ASPSCR1: variants seen among roughly 807,000 people sequenced by gnomAD.
ASPSCR1 encodes tether containing UBX domain for GLUT4.
A neutral mutation model predicts 68.9 loss-of-function variants in ASPSCR1; 55 were observed. The observed-to-expected ratio is 0.80, with a 90% confidence interval of 0.64 to 1.00. The LOEUF is 1.00. Ranked by LOEUF, ASPSCR1 falls within the 50% of genes least tolerant of loss-of-function variation. The pLI is 0.00. For synonymous variants in ASPSCR1, 352 were observed against 332.6 expected, an observed-to-expected ratio of 1.06 and a Z score of -0.63; for missense variants, 765 against 762.2, an observed-to-expected ratio of 1.00 and a Z score of -0.04.
At chr17:82,009,439 G>A (rs1430372911) in intron 8 of ASPSCR1, 47 bp from the exon 9 acceptor site, 1 of 1,523,012 alleles carries the variant, frequency 6.6e-7, no homozygotes, top group Non-Finnish European at 8.9e-7. Flanking sequence ...TGTTGCCAGG[G>A]CCCCCATTCT....
chr17:82,015,258 C>T (rs913095891), intron 12 of ASPSCR1: 14 of 1,598,282 alleles, frequency 8.8e-6, no homozygotes, highest in African/African-American at 2.7e-5. Flanking sequence ...GCCTCCATGC[C>T]ACCCAGTCTG....
intron 12 of ASPSCR1, 34 bp downstream of exon 12, chr17:82,012,317 GGGGCCCTCCAGGGAGGGCAGGACGA>G: frequency 6.2e-7 from 1 of 1,605,486 alleles, no homozygotes; most frequent in Non-Finnish European, 8.5e-7. Context: ...GCTGCGGGGC[GGGGCCCTCCAGGGAGGGCAGGACGA>G]GAGCGTGAGG....
At chr17:82,003,095 G>T (rs1598418343) in intron 7 of ASPSCR1, among the ~76,000 whole-genome samples, 2 of 152,080 alleles carry the variant, frequency 1.3e-5, no homozygotes, top group East Asian at 3.9e-4. Context: ...TGGTCTGCCG[G>T]CCTTGGCCTC....
rs569812032 is a variant in ASPSCR1 at position 81,983,054 on chromosome 17, G to A, written c.159-500G>A. On this transcript the variant is annotated intron_variant, in intron 2 of 15. Coordinates refer to ENST00000306739, the MANE Select transcript of ASPSCR1 (RefSeq NM_024083.4). The surrounding 1 kb of genome is among the most constrained non-coding windows in gnomAD (Gnocchi z 4.4). ...AGACGGGGTTTCACCATGTTGGTCA[G>A]GCTTGTCTCAAACTCCTGAACCTCA... Among the ~76,000 whole-genome samples, 1 of 152,206 alleles carries A rather than the reference G, an allele frequency of 6.6e-6. No homozygotes were observed. Among genetic ancestry groups the A allele is most frequent in the South Asian group, 2.1e-4 (1 of 4,832 alleles).
At chr17:82,000,453 G>T (rs959313217) in intron 7 of ASPSCR1, among the ~76,000 whole-genome samples, 1 of 152,062 alleles carries the variant, frequency 6.6e-6, no homozygotes, top group African/African-American at 2.4e-5. Flanking sequence ...GCCTCCCATC[G>T]CCGCCAGCCG....
Position 82,016,804 on chromosome 17 carries a change from C to CT in ASPSCR1, c.1411dup (p.Tyr471LeufsTer38). 6.2e-7 allele frequency: 1 copy of CT among 1,609,866 alleles called. No individual in the cohort carries two copies. Among genetic ancestry groups the CT allele is most frequent in the Non-Finnish European group, 8.5e-7 (1 of 1,179,856 alleles). On this transcript the variant is annotated frameshift_variant, in exon 14 of 16. Coordinates refer to ENST00000306739, the MANE Select transcript of ASPSCR1 (RefSeq NM_024083.4). LOFTEE classifies it high-confidence loss of function. ...TGAGCTTGGGCCTCCCTGCAGGTGT[C>CT]TACCTGGAGCCTGGCCTGCTGGAGC... is the stretch of plus-strand genomic sequence containing the variant.
In ASPSCR1 at chr17:82,011,367, G is replaced by C. The variant is rs184307006; in HGVS notation, c.1238-176G>C. ...CCAGCAGGGCGGGGGTCCCAAGTGTGGCCCGCACGGTGGCCCAGCCACGCC... is the reference window on the plus strand; with the variant it reads ...CCAGCAGGGCGGGGGTCCCAAGTGTCGCCCGCACGGTGGCCCAGCCACGCC... On this transcript the variant is annotated intron_variant, in intron 10 of 15. Transcript: ENST00000306739. 7.5e-3 allele frequency among the ~76,000 whole-genome samples: 1,136 copies of C among 152,274 alleles called. 15 individuals carry two copies. Among genetic ancestry groups the C allele is most frequent in the African/African-American group, 0.026 (1,093 of 41,558 alleles).
chr17:81,994,745 T>A, intron 4 of ASPSCR1, 76 bp from the exon 5 acceptor site: 1 of 1,476,918 alleles, frequency 6.8e-7, no homozygotes, highest in Non-Finnish European at 9.4e-7. Context: ...GCTTTCCGAG[T>A]CTCCTGCCCC....
In ASPSCR1 at chr17:82,009,547, A is replaced by G. The variant is rs960255685; in HGVS notation, c.1150A>G (p.Lys384Glu). Residue 384 changes from lysine to glutamate, a missense_variant, in exon 9 of 16, where the codon AAG (lysine) becomes GAG (glutamate). Coordinates refer to ENST00000306739, the MANE Select transcript of ASPSCR1 (RefSeq NM_024083.4). ...CTTCAGGGAGGCGCAGATAAAGGAG[A>G]AGCTGGAGCGCTACCCAAAGGTCTG... is the stretch of plus-strand genomic sequence containing the variant. ...KAFREAQIKE[K>E]LERYPKVALR... The G allele has an allele frequency of 7.3e-7, 1 of 1,378,118 alleles. No individual in the cohort carries two copies. Among genetic ancestry groups the G allele is most frequent in the Non-Finnish European group, 9.5e-7 (1 of 1,052,952 alleles). 85.4% of individuals were successfully genotyped at this position (1,378,118 alleles called of 1,614,324 possible).
intron 2 of ASPSCR1, among the ~76,000 whole-genome samples, chr17:81,980,360 C>T (rs1414953771): frequency 6.6e-6 from 1 of 152,214 alleles, no homozygotes; most frequent in East Asian, 1.9e-4. Context: ...CATTGCCCAC[C>T]CTGCCTTACG....
chr17:82,002,368 C>G (rs536730317), intron 7 of ASPSCR1, among the ~76,000 whole-genome samples: 1 of 151,518 alleles, frequency 6.6e-6, no homozygotes, highest in South Asian at 2.1e-4. Context: ...AGTAATTTTT[C>G]TGCCTCAGCC....
chr17:81,994,251 A>G (rs2042263138), intron 4 of ASPSCR1, among the ~76,000 whole-genome samples: 1 of 152,194 alleles, frequency 6.6e-6, no homozygotes, highest in African/African-American at 2.4e-5. Context: ...AGAGTCCGAC[A>G]TGGACTTATA....
At chr17:81,994,617 C>T (rs913001823) in intron 4 of ASPSCR1, among the ~76,000 whole-genome samples, 7 of 152,228 alleles carry the variant, frequency 4.6e-5, no homozygotes, top group Non-Finnish European at 8.8e-5. Context: ...GGAGCGCCCC[C>T]GGCTGTCAGG....
Position 81,996,633 on chromosome 17 carries a change from C to T in ASPSCR1, c.720C>T (p.Ala240=). The change falls in exon 7 of 16, where the codon GCC becomes GCT. Residue 240 remains alanine, a synonymous_variant. Transcript: ENST00000306739. ...AGAGCACAAGGGCACCCGCAGCTGC[C>T]CCCTTTGTTCCTTTCTCGGGTGGGG... The part of the protein sequence containing the change: ...EKQSTRAPAA[A]PFVPFSGGGQ... 6.2e-7 allele frequency: 1 copy of T among 1,611,936 alleles called. No individual in the cohort carries two copies.
At chr17:82,012,844 G>A in intron 12 of ASPSCR1, 1 of 159,502 alleles carries the variant, frequency 6.3e-6, no homozygotes, top group South Asian at 1.8e-4. Context: ...GGGTGAGGGT[G>A]CCGGGTTCCC....
chr17:81,985,235 C>T (rs2041956977), intron 3 of ASPSCR1, among the ~76,000 whole-genome samples: 1 of 152,074 alleles, frequency 6.6e-6, no homozygotes, highest in African/African-American at 2.4e-5. Flanking sequence ...CCCCCGCACA[C>T]ACCCACACAC....
At chr17:82,003,703 G>T (rs1053657610) in intron 7 of ASPSCR1, among the ~76,000 whole-genome samples, 1 of 152,214 alleles carries the variant, frequency 6.6e-6, no homozygotes, top group Non-Finnish European at 1.5e-5. Flanking sequence ...AGGCAGTCCC[G>T]CCTGCGTCCT....
At chr17:81,985,231 C>T (rs570378685) in intron 3 of ASPSCR1, among the ~76,000 whole-genome samples, 1 of 152,104 alleles carries the variant, frequency 6.6e-6, no homozygotes, top group South Asian at 2.1e-4. Flanking sequence ...CACACCCCCG[C>T]ACACACCCAC....
intron 4 of ASPSCR1, among the ~76,000 whole-genome samples, chr17:81,992,642 C>T (rs1334971906): frequency 3.3e-5 from 5 of 152,342 alleles, no homozygotes; most frequent in Non-Finnish European, 7.4e-5. Context: ...CCCTTCCTGG[C>T]CCTGGGGGCT....
Sources: gnomAD v4.1 joint callset for allele counts (sites outside exome capture counted in the v4.1 genomes callset) on GRCh38, gnomAD v4.1.1 for gene constraint, Gnocchi (gnomAD v3.1) non-coding constraint, MANE v1.5 for transcripts, NCBI Gene and HGNC (gene_info 2026-07-23, HGNC 2026-07-21) for gene names.